The following CHLSN variants were observed in gnomAD, a reference collection of about 807,000 sequenced individuals.
CHLSN encodes protein cholesin.
the CHLSN span, among the ~76,000 whole-genome samples, chr7:984,009 G>C: frequency 6.6e-6 from 1 of 152,150 alleles, no homozygotes; most frequent in Non-Finnish European, 1.5e-5. Flanking sequence ...GCTGCTGGCC[G>C]GGCTGTAGCC....
At chr7:1,058,639 T>C in the CHLSN span, 3 of 613,470 alleles carry the variant, frequency 4.9e-6, no homozygotes, top group South Asian at 6.0e-5. Flanking sequence ...GAGGGGTGTT[T>C]TTCTTGAAGT....
chr7:1,098,596 CAGTGAGATAAAG>C, the CHLSN span, among the ~76,000 whole-genome samples: 1 of 149,918 alleles, frequency 6.7e-6, no homozygotes, highest in African/African-American at 2.5e-5. Flanking sequence ...CTGCCACGCT[CAGTGAGATAAAG>C]CAGACACGAG....
chr7:1,091,944 C>G, the CHLSN span: 1 of 1,614,066 alleles, frequency 6.2e-7, no homozygotes, highest in Non-Finnish European at 8.5e-7. Context: ...TCTTCCCCAT[C>G]GGCTTTGTGG....
the CHLSN span, among the ~76,000 whole-genome samples, chr7:1,133,242 C>T: frequency 6.6e-6 from 1 of 152,016 alleles, no homozygotes; most frequent in East Asian, 1.9e-4. Flanking sequence ...GCAAATTATA[C>T]TGACAGAAAG....
the CHLSN span, chr7:1,127,201 A>G: frequency 2.6e-6 from 4 of 1,531,952 alleles, no homozygotes; most frequent in Non-Finnish European, 3.5e-6. Context: ...CTCCCTCCAG[A>G]TCAGATAACA....
chr7:1,110,363 C>G, the CHLSN span, among the ~76,000 whole-genome samples: 1 of 152,142 alleles, frequency 6.6e-6, no homozygotes, highest in Non-Finnish European at 1.5e-5. Context: ...GGTGCGGCTC[C>G]GAGAGGAAAA....
At chr7:1,070,343 C>T in the CHLSN span, among the ~76,000 whole-genome samples, 4 of 139,530 alleles carry the variant, frequency 2.9e-5, no homozygotes, top group Non-Finnish European at 6.5e-5. Context: ...CCGTGCCGTC[C>T]GGGAGGGAGG....
the CHLSN span, among the ~76,000 whole-genome samples, chr7:1,030,177 G>A: frequency 3.3e-5 from 5 of 152,184 alleles, no homozygotes; most frequent in Non-Finnish European, 7.4e-5. Context: ...CTCCATGAAC[G>A]CGCCAACTCC....
chr7:1,050,133 G>C, the CHLSN span, among the ~76,000 whole-genome samples: 1 of 152,214 alleles, frequency 6.6e-6, no homozygotes, highest in Non-Finnish European at 1.5e-5. Flanking sequence ...CAGGCCTACG[G>C]GCTCAGGGCT....
At chr7:1,016,660 AGCGCACAGCAGCACACGCCAGGG>A in the CHLSN span, among the ~76,000 whole-genome samples, 1 of 77,354 alleles carries the variant, frequency 1.3e-5, no homozygotes. Context: ...AGCACACAGC[AGCGCACAGCAGCACACGCCAGGG>A]CACAGCAGCG....
chr7:1,017,635 G>A, the CHLSN span, among the ~76,000 whole-genome samples: 4 of 152,100 alleles, frequency 2.6e-5, no homozygotes, highest in African/African-American at 9.7e-5. Context: ...AACAAGACAC[G>A]GACTCAATGC....
At chr7:1,033,753 G>A in the CHLSN span, among the ~76,000 whole-genome samples, 1,960 of 152,162 alleles carry the variant, frequency 0.013, 40 homozygotes, top group African/African-American at 0.04. Flanking sequence ...CGGTAACGGG[G>A]GTGCCTCCTG....
At chr7:1,056,814 G>C in the CHLSN span, 28 of 143,576 alleles carry the variant, frequency 2.0e-4, no homozygotes, top group African/African-American at 7.0e-4. Flanking sequence ...TGGACATCAG[G>C]CTTCCCGAGA....
chr7:1,098,838 CG>C, the CHLSN span, among the ~76,000 whole-genome samples: 1 of 151,258 alleles, frequency 6.6e-6, no homozygotes, highest in Non-Finnish European at 1.5e-5. Flanking sequence ...GAGCGGGGGA[CG>C]GGGAGCCACT....
chr7:1,078,129 C>T, the CHLSN span: 2 of 152,178 alleles, frequency 1.3e-5, no homozygotes, highest in African/African-American at 2.4e-5. Flanking sequence ...CTCCTGAAGA[C>T]GGAGCTGGAC....
the CHLSN span, among the ~76,000 whole-genome samples, chr7:1,073,393 C>T: frequency 1.6e-4 from 25 of 152,226 alleles, no homozygotes; most frequent in East Asian, 4.3e-3. Flanking sequence ...GCAGCTCCTC[C>T]GGCGCCCCAG....
the CHLSN span, among the ~76,000 whole-genome samples, chr7:1,008,703 T>C: frequency 6.6e-6 from 1 of 152,076 alleles, no homozygotes; most frequent in Non-Finnish European, 1.5e-5. Context: ...CTCCTGTAGG[T>C]GGAGGACCGT....
chr7:1,087,832 G>A, the CHLSN span, among the ~76,000 whole-genome samples: 3 of 152,204 alleles, frequency 2.0e-5, no homozygotes, highest in Non-Finnish European at 2.9e-5. Flanking sequence ...AACCCAGGAG[G>A]ACAGGTTATT....
the CHLSN span, among the ~76,000 whole-genome samples, chr7:1,107,780 A>G: frequency 4.6e-4 from 64 of 139,896 alleles, no homozygotes; most frequent in East Asian, 8.9e-4. Flanking sequence ...GCTGTGTCCC[A>G]CACTGGAGTC....
Sources: allele counts gnomAD v4.1 joint callset (sites outside exome capture counted in the v4.1 genomes callset), GRCh38; gene constraint gnomAD v4.1.1; transcripts MANE v1.5; gene names NCBI Gene and HGNC (gene_info 2026-07-23, HGNC 2026-07-21).